Variants in RANBP2 observed in about 807,000 individuals in gnomAD.
RANBP2 encodes RAN binding protein 2.
RANBP2 carries 57 observed loss-of-function variants against 303.6 expected under a neutral mutation model. That is an observed-to-expected ratio of 0.19 (90% CI 0.15 to 0.23). RANBP2 has a LOEUF of 0.23. Among genes scored for constraint, RANBP2 ranks in the 10% least tolerant of loss-of-function variants. The pLI, the probability that RANBP2 is intolerant of heterozygous loss-of-function variation, is 1.00. For missense variants in RANBP2, 3,138 were observed against 3,780.8 expected (o/e 0.83, Z 4.46); for synonymous variants, 1,167 against 1,301.5 (o/e 0.90, Z 2.23).
the RANBP2 span, among the ~76,000 whole-genome samples, chr2:109,549,859 T>C: frequency 6.6e-6 from 1 of 152,196 alleles, no homozygotes; most frequent in African/African-American, 2.4e-5. Flanking sequence ...ATGTGGTCTC[T>C]TTCTCTCTCA....
the RANBP2 span, among the ~76,000 whole-genome samples, chr2:109,601,632 T>C: frequency 1.3e-5 from 2 of 152,214 alleles, no homozygotes; most frequent in African/African-American, 2.4e-5. Flanking sequence ...TTGCTTGTCA[T>C]GTGTATCATA....
At chr2:109,235,755 T>C in the RANBP2 span, among the ~76,000 whole-genome samples, 1 of 152,250 alleles carries the variant, frequency 6.6e-6, no homozygotes, top group Admixed American at 6.5e-5. Context: ...ACAACACTTG[T>C]TAGACTCTCT....
At chr2:109,086,268 T>C in the RANBP2 span, among the ~76,000 whole-genome samples, 1 of 151,998 alleles carries the variant, frequency 6.6e-6, no homozygotes, top group African/African-American at 2.4e-5. Flanking sequence ...TCTGAGGTTG[T>C]TGGGGGAGGG....
the RANBP2 span, among the ~76,000 whole-genome samples, chr2:109,655,768 C>A: frequency 6.6e-6 from 1 of 152,258 alleles, no homozygotes; most frequent in Non-Finnish European, 1.5e-5. Flanking sequence ...AAAAAGAACA[C>A]GTCTCCTATA....
At chr2:108,946,411 C>G in the RANBP2 span, among the ~76,000 whole-genome samples, 2 of 152,192 alleles carry the variant, frequency 1.3e-5, no homozygotes, top group Non-Finnish European at 2.9e-5. Flanking sequence ...AAGACAACCC[C>G]TTGGGGACTG....
At chr2:109,700,895 G>C in the RANBP2 span, among the ~76,000 whole-genome samples, 3 of 152,124 alleles carry the variant, frequency 2.0e-5, no homozygotes, top group Non-Finnish European at 4.4e-5. Context: ...CAACAGGTGG[G>C]AAGGTGATGT....
the RANBP2 span, among the ~76,000 whole-genome samples, chr2:108,841,429 G>A: frequency 6.6e-6 from 1 of 151,746 alleles, no homozygotes; most frequent in Admixed American, 6.6e-5. Context: ...CACATATTTT[G>A]TAACTGTGTT....
chr2:109,060,010 A>G, the RANBP2 span, among the ~76,000 whole-genome samples: 10 of 152,192 alleles, frequency 6.6e-5, no homozygotes, highest in South Asian at 4.1e-4. Context: ...TGACTTCTAG[A>G]GTACCCTCAG....
At chr2:109,593,033 T>C in the RANBP2 span, 1 of 1,546,038 alleles carries the variant, frequency 6.5e-7, no homozygotes, top group Admixed American at 1.9e-5. Flanking sequence ...ATGGTATCTA[T>C]TTAAAAGACA....
the RANBP2 span, among the ~76,000 whole-genome samples, chr2:109,652,439 A>G: frequency 6.6e-6 from 1 of 152,050 alleles, no homozygotes; most frequent in South Asian, 2.1e-4. Context: ...GTTAGCCAGG[A>G]TGGTCTTGAT....
intron 25 of RANBP2, among the ~76,000 whole-genome samples, chr2:108,779,409 C>T (rs1158637223): frequency 1.3e-5 from 2 of 151,960 alleles, no homozygotes; most frequent in Non-Finnish European, 2.9e-5. Flanking sequence ...AAGTGACCAG[C>T]CCGCCTCGGC....
At chr2:108,897,008 C>T in the RANBP2 span, 11 of 1,614,008 alleles carry the variant, frequency 6.8e-6, no homozygotes, top group African/African-American at 1.5e-4. Flanking sequence ...TCAATCTGCA[C>T]CAGTTTTGTG....
the RANBP2 span, among the ~76,000 whole-genome samples, chr2:109,274,097 A>T: frequency 6.6e-6 from 1 of 152,170 alleles, no homozygotes; most frequent in African/African-American, 2.4e-5. Context: ...TTGTCATGTC[A>T]AGGAAAATCA....
the RANBP2 span, among the ~76,000 whole-genome samples, chr2:109,322,951 C>T: frequency 3.3e-5 from 5 of 152,166 alleles, no homozygotes; most frequent in African/African-American, 1.2e-4. Context: ...TGAGAGTGGG[C>T]AGGCAATATA....
intron 23 of RANBP2, 25 bp from the exon 24 acceptor site, chr2:108,775,707 G>C: frequency 6.2e-7 from 1 of 1,611,764 alleles, no homozygotes; most frequent in East Asian, 2.2e-5. Context: ...AAGTGGCATA[G>C]TATTTTGTGA....
chr2:108,903,440 G>GA, the RANBP2 span, among the ~76,000 whole-genome samples: 83 of 149,448 alleles, frequency 5.6e-4, no homozygotes, highest in East Asian at 0.014. Context: ...AAAGATTTTT[G>GA]AAAAAAAAAT....
the RANBP2 span, among the ~76,000 whole-genome samples, chr2:109,181,528 A>G: frequency 6.6e-6 from 1 of 152,296 alleles, no homozygotes; most frequent in Non-Finnish European, 1.5e-5. Context: ...AAAAGTACCC[A>G]AAAGTTTCTT....
At chr2:109,584,203 G>A in the RANBP2 span, among the ~76,000 whole-genome samples, 21 of 152,246 alleles carry the variant, frequency 1.4e-4, no homozygotes, top group South Asian at 3.7e-3. Flanking sequence ...AAGACTGGGC[G>A]CAGTTGCTCA....
At chr2:109,445,345 T>C in the RANBP2 span, among the ~76,000 whole-genome samples, 3 of 152,054 alleles carry the variant, frequency 2.0e-5, no homozygotes, top group Non-Finnish European at 4.4e-5. Flanking sequence ...GAGTGCTGAG[T>C]AGGAAAAATA....
Sources: allele counts gnomAD v4.1 joint callset (sites outside exome capture counted in the v4.1 genomes callset), GRCh38; gene constraint gnomAD v4.1.1; transcripts MANE v1.5; gene names NCBI Gene and HGNC (gene_info 2026-07-23, HGNC 2026-07-21).